The following TTC12 variants were observed in gnomAD, a reference collection of about 807,000 sequenced individuals.
TTC12 encodes tetratricopeptide repeat domain 12, also known as tetratricopeptide repeat protein 12.
A neutral mutation model predicts 90.1 loss-of-function variants in TTC12; 70 were observed. The observed-to-expected ratio is 0.78, with a 90% CI of 0.64 to 0.95. TTC12 has a LOEUF of 0.95. TTC12 is among the 40% of genes least tolerant of loss of function. The probability of loss-of-function intolerance (pLI) is 0.00; values close to 1 mark genes in which losing one functional copy is unlikely to be tolerated. For missense variants in TTC12, 819 were observed against 846.1 expected, an observed-to-expected ratio of 0.97 and a Z score of 0.40; for synonymous variants, 296 against 311.5, an observed-to-expected ratio of 0.95 and a Z score of 0.53.
At chr11:113,352,333 C>A in intron 16 of TTC12, 126 bp downstream of exon 16, 2 of 1,167,058 alleles carry the variant, frequency 1.7e-6, no homozygotes, top group African/African-American at 1.6e-5. Flanking sequence ...TTGGCTTATC[C>A]CTTCTGTAAC....
At chr11:113,367,013 T>TGCAAA (rs1263546206), downstream of TTC12, among the ~76,000 whole-genome samples, 1 of 152,248 alleles carries the variant, frequency 6.6e-6, no homozygotes, top group Non-Finnish European at 1.5e-5. Flanking sequence ...CCCTGACTGA[T>TGCAAA]GCAAATGTGT....
intron 18 of TTC12, among the ~76,000 whole-genome samples, chr11:113,361,734 T>C (rs1173926449): frequency 6.6e-6 from 1 of 152,202 alleles, no homozygotes; most frequent in East Asian, 1.9e-4. Context: ...ACATATTTTC[T>C]TGCTTTTTTC....
intron 10 of TTC12, among the ~76,000 whole-genome samples, chr11:113,340,009 A>G (rs931540783): frequency 3.3e-5 from 5 of 152,212 alleles, no homozygotes; most frequent in African/African-American, 1.2e-4. Context: ...AGAATTTTGT[A>G]GGTTAAACTG....
Position 113,351,337 on chromosome 11 carries a change from C to T in TTC12, c.1308+38C>T, listed in dbSNP as rs112284244. ...TCATTTTCATCCTCTGTAACAGACACTCTCAGGAGCGTGAATGGGGCTGTT... is the reference window on the plus strand; with the variant it reads ...TCATTTTCATCCTCTGTAACAGACATTCTCAGGAGCGTGAATGGGGCTGTT... On this transcript the variant is annotated intron_variant, in intron 15 of 21. Coordinates refer to ENST00000529221, the MANE Select transcript of TTC12 (RefSeq NM_017868.4). The T allele has an allele frequency of 7.7e-6, 12 of 1,565,072 alleles. No homozygotes were observed. The African/African-American group carries it at 1.4e-4, about 18-fold the overall frequency.
intron 16 of TTC12, among the ~76,000 whole-genome samples, chr11:113,357,061 G>A (rs754206100): frequency 1.1e-4 from 16 of 152,078 alleles, no homozygotes; most frequent in African/African-American, 2.9e-4. Context: ...CAGGGACACC[G>A]ATTAGATGTA....
At chr11:113,347,808 A>C (rs1252117733) in intron 13 of TTC12, among the ~76,000 whole-genome samples, 1 of 152,186 alleles carries the variant, frequency 6.6e-6, no homozygotes, top group East Asian at 1.9e-4. Context: ...TCATATTCCC[A>C]AAAGCCCAAT....
At chr11:113,322,111 T>G (rs1019321783) in intron 2 of TTC12, among the ~76,000 whole-genome samples, 1 of 152,222 alleles carries the variant, frequency 6.6e-6, no homozygotes, top group Non-Finnish European at 1.5e-5. Flanking sequence ...AAAAATATTA[T>G]ATTACTTTCG....
In TTC12 at chr11:113,338,810, C is replaced by A. The variant is rs1555144919; in HGVS notation, c.613C>A (p.Pro205Thr). Residue 205 changes from proline (P) to threonine (T), a missense_variant, in exon 9 of 22, where the codon CCC becomes ACC. Pro to Thr is a conservative substitution (Grantham distance 38). Transcript: ENST00000529221. ...ECYKKILEIN[P>T]KLQTQVKGYL... ...TTATAAGAAGATCTTAGAAATAAAC[C>A]CCAAGCTGCAAACCCAGGTGAAAGG... 2 of 1,613,858 alleles carry A rather than the reference C, an allele frequency of 1.2e-6. No homozygotes were observed. Among genetic ancestry groups the A allele is most frequent in the African/African-American group, 2.7e-5 (2 of 74,890 alleles).
At position 113,350,165 on chromosome 11, in the gene TTC12, G is replaced by A. The variant is rs2138032189; in HGVS notation, c.1247G>A (p.Arg416Lys). The A allele has an allele frequency of 1.2e-6, 2 of 1,603,388 alleles. No individual in the cohort carries two copies. Among genetic ancestry groups the A allele is most frequent in the South Asian group, 2.2e-5 (2 of 90,280 alleles). The change falls in exon 14 of 22, where the codon AGA (arginine) becomes AAA (lysine). Residue 416 changes from arginine to lysine, a missense_variant and splice_region_variant. Coordinates refer to ENST00000529221, the MANE Select transcript of TTC12 (RefSeq NM_017868.4). Reference sequence around the variant, plus strand: ...TTCACAGACTTGGCTCTGGAAGAAAGGTAATTTTTTTATTTATAGAAATTG... The same window carrying A: ...TTCACAGACTTGGCTCTGGAAGAAAAGTAATTTTTTTATTTATAGAAATTG... Reference protein sequence around the residue: ...GLFTDLALEERFQVWFQANLP... With the variant: ...GLFTDLALEEKFQVWFQANLP...
chr11:113,350,035 A>G, intron 13 of TTC12, 38 bp from the exon 14 acceptor site: 1 of 1,524,202 alleles, frequency 6.6e-7, no homozygotes, highest in Non-Finnish European at 9.1e-7. Context: ...TGTTAGTTGG[A>G]GGACAGCTAC....
chr11:113,341,973 G>C, intron 12 of TTC12, 48 bp downstream of exon 12: 1 of 1,509,854 alleles, frequency 6.6e-7, no homozygotes, highest in Non-Finnish European at 9.2e-7. Flanking sequence ...GCTGCGTGCA[G>C]GAACTACGCT....
At chr11:113,369,811 A>G (rs1158858223), downstream of TTC12, among the ~76,000 whole-genome samples, 2 of 152,178 alleles carry the variant, frequency 1.3e-5, no homozygotes, top group African/African-American at 4.8e-5. Context: ...TGACAGATAG[A>G]AAGTATTTAC....
At chr11:113,324,547 G>A in intron 4 of TTC12, 58 bp from the exon 5 acceptor site, 1 of 1,455,780 alleles carries the variant, frequency 6.9e-7, no homozygotes, top group Non-Finnish European at 9.5e-7. Context: ...TTGAGCTAAA[G>A]AACTGATTAT....
At chr11:113,368,655 C>G (rs1950293313), downstream of TTC12, 2 of 708,478 alleles carry the variant, frequency 2.8e-6, no homozygotes, top group South Asian at 1.7e-5. Context: ...CAAGGTGGGA[C>G]TGAGGTTCAG....
downstream of TTC12, among the ~76,000 whole-genome samples, chr11:113,370,148 G>A (rs1950343432): frequency 6.6e-6 from 1 of 152,196 alleles, no homozygotes; most frequent in Admixed American, 6.5e-5. Flanking sequence ...TGGGGCCAGG[G>A]GTGCATGGGC....
downstream of TTC12, chr11:113,369,263 T>G (rs1389562984): frequency 2.6e-5 from 4 of 152,270 alleles, no homozygotes; most frequent in African/African-American, 9.7e-5. Flanking sequence ...TAGCTGGGAT[T>G]ACAGGCATGC....
chr11:113,321,788 A>G (rs1555138610), intron 2 of TTC12, among the ~76,000 whole-genome samples: 1 of 152,196 alleles, frequency 6.6e-6, no homozygotes, highest in African/African-American at 2.4e-5. Flanking sequence ...TGAGAAAGTA[A>G]GACACACTTA....
chr11:113,337,775 G>C (rs1343859473), intron 8 of TTC12, among the ~76,000 whole-genome samples: 2 of 152,152 alleles, frequency 1.3e-5, no homozygotes, highest in African/African-American at 2.4e-5. Context: ...GAGTGATAAG[G>C]CTATTGCAAT....
chr11:113,331,033 A>G (rs1024002406), intron 7 of TTC12, among the ~76,000 whole-genome samples: 2 of 152,268 alleles, frequency 1.3e-5, no homozygotes, highest in African/African-American at 2.4e-5. Context: ...TCTTATTGAG[A>G]GGGTAAGCAA....
Sources: allele counts gnomAD v4.1 joint callset (sites outside exome capture counted in the v4.1 genomes callset), GRCh38; gene constraint gnomAD v4.1.1; transcripts MANE v1.5; gene names NCBI Gene and HGNC (gene_info 2026-07-23, HGNC 2026-07-21).